The following PBX3 variants were observed in gnomAD, a reference collection of about 807,000 sequenced individuals.
PBX3 encodes the protein pre-B-cell leukemia transcription factor 3.
A neutral mutation model predicts 48.5 loss-of-function variants in PBX3; 14 were observed. The observed-to-expected ratio is 0.29, with a 90% CI of 0.19 to 0.45. PBX3 has a LOEUF of 0.45. PBX3 is among the 20% of genes least tolerant of loss of function. PBX3 has a pLI of 1.00. For missense variants in PBX3, 386 were observed against 546.7 expected, an observed-to-expected ratio of 0.71 and a Z score of 2.93; for synonymous variants, 210 against 200.3, an observed-to-expected ratio of 1.05 and a Z score of -0.41.
chr9:125,891,579 C>T (rs1342262024), intron 2 of PBX3, among the ~76,000 whole-genome samples: 1 of 152,164 alleles, frequency 6.6e-6, no homozygotes, highest in African/African-American at 2.4e-5. Flanking sequence ...AATTTTTTCT[C>T]CTACTACGTT....
At chr9:125,837,622 G>A (rs1311760053) in intron 2 of PBX3, among the ~76,000 whole-genome samples, 1 of 151,972 alleles carries the variant, frequency 6.6e-6, no homozygotes, top group African/African-American at 2.4e-5. Context: ...GAGCCACTTT[G>A]AATTGTTCTG....
intron 2 of PBX3, among the ~76,000 whole-genome samples, chr9:125,893,933 G>T (rs1223073548): frequency 1.3e-5 from 2 of 151,840 alleles, no homozygotes; most frequent in Non-Finnish European, 2.9e-5. Context: ...ACTTACTGCA[G>T]TAGGTTCAGA....
chr9:125,831,623 G>A (rs1437224957), intron 2 of PBX3, among the ~76,000 whole-genome samples: 2 of 152,124 alleles, frequency 1.3e-5, no homozygotes, highest in Admixed American at 1.3e-4. Flanking sequence ...GAGTAATGAG[G>A]TAGTGCCTTA....
At chr9:125,882,696 G>C (rs1176793410) in intron 2 of PBX3, among the ~76,000 whole-genome samples, 1 of 152,226 alleles carries the variant, frequency 6.6e-6, no homozygotes, top group African/African-American at 2.4e-5. Flanking sequence ...TTAGATGGTA[G>C]AAGTTATATA....
chr9:125,782,658 C>T (rs1837353136), intron 2 of PBX3, among the ~76,000 whole-genome samples: 1 of 152,026 alleles, frequency 6.6e-6, no homozygotes, highest in Non-Finnish European at 1.5e-5. Context: ...TTCTTTATTT[C>T]TTCATAGTTT....
chr9:125,841,060 C>T (rs111877787), intron 2 of PBX3, among the ~76,000 whole-genome samples: 59 of 152,042 alleles, frequency 3.9e-4, no homozygotes, highest in African/African-American at 1.4e-3. Flanking sequence ...GCTAACCATG[C>T]GCTAGGGACT....
At chr9:125,770,207 T>C (rs992935420) in intron 2 of PBX3, among the ~76,000 whole-genome samples, 3 of 152,126 alleles carry the variant, frequency 2.0e-5, no homozygotes, top group Non-Finnish European at 4.4e-5. Context: ...AAAATTTGAG[T>C]TCAGAAATAA....
Position 125,965,813 on chromosome 9 carries a change from C to G in PBX3, c.1213-18C>G. 6.3e-7 allele frequency: 1 copy of G among 1,596,714 alleles called. No homozygotes were observed. Among genetic ancestry groups the G allele is most frequent in the Non-Finnish European group, 8.6e-7 (1 of 1,164,072 alleles). On this transcript the variant is annotated intron_variant, in intron 8 of 8. Coordinates refer to ENST00000373489, the MANE Select transcript of PBX3 (RefSeq NM_006195.6). Reference sequence around the variant, plus strand: ...AATATGTAGACGTGCACCCGTTGAACTGTGTTTCTCCTTTCAGGCTAATGG... The same window carrying G: ...AATATGTAGACGTGCACCCGTTGAAGTGTGTTTCTCCTTTCAGGCTAATGG...
At chr9:125,852,486 A>G (rs1246900052) in intron 2 of PBX3, among the ~76,000 whole-genome samples, 1 of 152,162 alleles carries the variant, frequency 6.6e-6, no homozygotes, top group East Asian at 1.9e-4. Flanking sequence ...AAGCTGGGCA[A>G]TTTGGCTTTC....
At chr9:125,754,239 T>G (rs10986877) in intron 2 of PBX3, among the ~76,000 whole-genome samples, 3,023 of 152,194 alleles carry the variant, frequency 0.02, 168 homozygotes, top group East Asian at 0.17. Flanking sequence ...CAGTCTTGTG[T>G]TTTAGCCATT....
In PBX3 at chr9:125,860,687, T is replaced by C. The variant is rs529791950; in HGVS notation, c.275-54999T>C. On this transcript the variant is annotated intron_variant, in intron 2 of 8. Transcript: ENST00000373489. ...AGGCAGATCACCTGAGGTTAGGAGT[T>C]CAAGACCAGCCTGGCCAACATGGTG... Among the ~76,000 whole-genome samples the C allele has an allele frequency of 1.7e-4, 26 of 151,356 alleles. No individual in the cohort carries two copies. The South Asian group carries it at 5.5e-3, about 32-fold the overall frequency.
chr9:125,918,741 T>A (rs1841389276), intron 3 of PBX3, among the ~76,000 whole-genome samples: 1 of 152,224 alleles, frequency 6.6e-6, no homozygotes, highest in African/African-American at 2.4e-5. Context: ...CAGCACTTAA[T>A]TCTTTTAAGT....
intron 2 of PBX3, among the ~76,000 whole-genome samples, chr9:125,833,012 C>T (rs1362727027): frequency 1.3e-5 from 2 of 152,122 alleles, no homozygotes; most frequent in African/African-American, 2.4e-5. Context: ...TATGTCATTT[C>T]GGGAAGTTCC....
chr9:125,910,878 AAGG>A (rs1841188360), intron 2 of PBX3, among the ~76,000 whole-genome samples: 1 of 151,956 alleles, frequency 6.6e-6, no homozygotes, highest in South Asian at 2.1e-4. Flanking sequence ...CTTTAGACCT[AAGG>A]AGGAGAGTGT....
chr9:125,962,107 T>C lies in PBX3; in HGVS notation c.1015T>C (p.Ser339Pro). The C allele has an allele frequency of 6.4e-7, 1 of 1,569,346 alleles. No individual in the cohort carries two copies. The highest frequency in any genetic ancestry group is 1.1e-5 in the South Asian group (1 of 90,152). ...CTTAACTCTTTCCTTTCCAGGTTCTTCTGGTTCTTTTAACCTCCCAAATTC... is the reference window on the plus strand; with the variant it reads ...CTTAACTCTTTCCTTTCCAGGTTCTCCTGGTTCTTTTAACCTCCCAAATTC... Reference protein sequence around the residue: ...NSPTTPNSGSSGSFNLPNSGD... With the variant: ...NSPTTPNSGSPGSFNLPNSGD... The change falls in exon 7 of 9, where the codon TCT (serine) becomes CCT (proline). Residue 339 changes from serine to proline, a missense_variant. Around this residue, in one of 4 missense-constraint regions of PBX3, gnomAD observed 127 missense variants for 143.3 expected, o/e 0.89. Coordinates refer to ENST00000373489, the MANE Select transcript of PBX3 (RefSeq NM_006195.6).
At chr9:125,757,152 A>G (rs1836540089) in intron 2 of PBX3, among the ~76,000 whole-genome samples, 1 of 152,132 alleles carries the variant, frequency 6.6e-6, no homozygotes. Context: ...AAATATATAT[A>G]TTTGAAATGG....
At chr9:125,963,162 G>T (rs768103847) in intron 8 of PBX3, 61 bp downstream of exon 8, 27 of 849,222 alleles carry the variant, frequency 3.2e-5, no homozygotes, top group Non-Finnish European at 5.0e-5. Context: ...GACTAATAAA[G>T]AAATTAATAG....
intron 2 of PBX3, among the ~76,000 whole-genome samples, chr9:125,860,988 A>G (rs892950743): frequency 1.3e-4 from 19 of 151,788 alleles, no homozygotes; most frequent in African/African-American, 4.8e-5. Flanking sequence ...GGATGATTAT[A>G]ATGAAAAAGG....
intron 2 of PBX3, among the ~76,000 whole-genome samples, chr9:125,886,126 GA>G (rs1219819345): frequency 2.6e-5 from 4 of 152,056 alleles, no homozygotes; most frequent in Non-Finnish European, 5.9e-5. Context: ...AGTGCATGGG[GA>G]AACAGTTGTG....
Sources: gnomAD v4.1 joint callset for allele counts (sites outside exome capture counted in the v4.1 genomes callset) on GRCh38, gnomAD v4.1.1 for gene constraint, gnomAD v4.1.1 regional missense constraint, MANE v1.5 for transcripts, NCBI Gene and HGNC (gene_info 2026-07-23, HGNC 2026-07-21) for gene names.